The following TANC2 variants were observed in gnomAD, a reference collection of about 807,000 sequenced individuals.
TANC2 encodes the protein tetratricopeptide repeat, ankyrin repeat and coiled-coil containing 2, also known as protein TANC2.
TANC2 carries 26 observed loss-of-function variants against 210.5 expected under a neutral mutation model. That is an observed-to-expected ratio of 0.12 (90% CI 0.09 to 0.17). The LOEUF is 0.17. Among genes scored for constraint, TANC2 ranks in the 10% least tolerant of loss-of-function variants. The pLI is 1.00. For synonymous variants in TANC2, 931 were observed against 967.1 expected (o/e 0.96, Z 0.69); for missense variants, 2,129 against 2,608.9 (o/e 0.82, Z 4.01).
At chr17:63,309,866 A>G (rs1474585030) in intron 9 of TANC2, among the ~76,000 whole-genome samples, 1 of 152,220 alleles carries the variant, frequency 6.6e-6, no homozygotes, top group Admixed American at 6.5e-5. Context: ...AGTGGAACAA[A>G]CTAGATAACT....
chr17:63,002,474 T>C (rs957105375), intron 1 of TANC2, among the ~76,000 whole-genome samples: 13 of 152,254 alleles, frequency 8.5e-5, no homozygotes, highest in Non-Finnish European at 1.5e-4. Flanking sequence ...TATTTTTTGA[T>C]GCATTTCAAA....
chr17:63,314,271 C>A, intron 9 of TANC2, 117 bp from the exon 10 acceptor site: 1 of 1,120,206 alleles, frequency 8.9e-7, no homozygotes, highest in Non-Finnish European at 1.3e-6. Context: ...TCTGAATAAG[C>A]CTAGGATGCC....
At chr17:63,268,974 T>TGG (rs1411047618) in intron 9 of TANC2, among the ~76,000 whole-genome samples, 3 of 152,204 alleles carry the variant, frequency 2.0e-5, no homozygotes, top group Admixed American at 6.5e-5. Flanking sequence ...AATTTTATCT[T>TGG]ACGGATGATT....
intron 14 of TANC2, among the ~76,000 whole-genome samples, chr17:63,358,376 A>ATGTGTGTGTGT (rs1555641222): frequency 8.6e-5 from 7 of 80,942 alleles, no homozygotes; most frequent in African/African-American, 2.2e-4. Flanking sequence ...AGAGAGAGAG[A>ATGTGTGTGTGT]GTATGTGTGT....
chr17:63,082,750 C>T (rs1214650280), intron 3 of TANC2, among the ~76,000 whole-genome samples: 1 of 152,126 alleles, frequency 6.6e-6, no homozygotes, highest in Non-Finnish European at 1.5e-5. Context: ...CATGTATAAA[C>T]TCCATCCCTT....
Position 63,112,894 on chromosome 17 carries a change from C to T in TANC2, c.322+13537C>T, listed in dbSNP as rs2038106279. ...TTACAGAAAAAAATCCTTCATTGTC[C>T]ATCCTTCTTCTGTGACCTTCCCCAG... On this transcript the variant is annotated intron_variant, in intron 4 of 27. Coordinates refer to ENST00000689528, the Ensembl canonical transcript of TANC2. Among the ~76,000 whole-genome samples the T allele has an allele frequency of 3.3e-5, 5 of 152,196 alleles. No individual in the cohort carries two copies. The South Asian group carries it at 1.0e-3, about 32-fold the overall frequency.
intron 9 of TANC2, among the ~76,000 whole-genome samples, chr17:63,289,539 C>A (rs557763584): frequency 9.1e-4 from 138 of 152,244 alleles, no homozygotes; most frequent in Non-Finnish European, 1.8e-3. Flanking sequence ...TCTAGCATTT[C>A]TTTTTGGTTC....
intron 5 of TANC2, among the ~76,000 whole-genome samples, chr17:63,164,879 T>C (rs1179153382): frequency 6.6e-6 from 1 of 152,210 alleles, no homozygotes; most frequent in Non-Finnish European, 1.5e-5. Context: ...TTACTTGGTC[T>C]ACCAACTTAA....
intron 21 of TANC2, among the ~76,000 whole-genome samples, chr17:63,406,816 G>A (rs926281437): frequency 4.6e-5 from 7 of 152,190 alleles, no homozygotes; most frequent in Non-Finnish European, 7.4e-5. Flanking sequence ...CATAAAGTAC[G>A]TCAGGCTCCT....
At chr17:63,240,894 T>C (rs757655713) in intron 8 of TANC2, among the ~76,000 whole-genome samples, 3 of 152,238 alleles carry the variant, frequency 2.0e-5, no homozygotes, top group Non-Finnish European at 4.4e-5. Flanking sequence ...AACAGTCTAC[T>C]TTGTGTTATG....
chr17:62,968,996 C>T (rs1464664867), intron 1 of TANC2, among the ~76,000 whole-genome samples: 1 of 152,058 alleles, frequency 6.6e-6, no homozygotes, highest in Non-Finnish European at 1.5e-5. Flanking sequence ...TGCTCAAATC[C>T]CGCAGTTGGT....
chr17:63,252,534 C>A (rs983068513), intron 8 of TANC2, among the ~76,000 whole-genome samples: 1 of 152,004 alleles, frequency 6.6e-6, no homozygotes, highest in Non-Finnish European at 1.5e-5. Flanking sequence ...CCACTACCCC[C>A]ACCCCAGCGA....
intron 2 of TANC2, among the ~76,000 whole-genome samples, chr17:63,018,271 A>C (rs1437881426): frequency 6.6e-6 from 1 of 152,070 alleles, no homozygotes; most frequent in Non-Finnish European, 1.5e-5. Flanking sequence ...TCGGCGGGTC[A>C]CCGGGAAGTC....
At chr17:63,192,884 C>T (rs1230331129) in intron 5 of TANC2, among the ~76,000 whole-genome samples, 4 of 152,078 alleles carry the variant, frequency 2.6e-5, no homozygotes, top group African/African-American at 4.8e-5. Flanking sequence ...ACTATATCTC[C>T]GTGTTGTATA....
At chr17:63,060,801 G>A (rs942944387) in intron 2 of TANC2, among the ~76,000 whole-genome samples, 3 of 152,154 alleles carry the variant, frequency 2.0e-5, no homozygotes, top group Non-Finnish European at 4.4e-5. Flanking sequence ...ATAGCAGTTT[G>A]TCTTTACCCC....
intron 2 of TANC2, among the ~76,000 whole-genome samples, chr17:63,072,518 G>GTA (rs1156320911): frequency 1.3e-5 from 2 of 151,804 alleles, no homozygotes; most frequent in African/African-American, 4.8e-5. Flanking sequence ...AACTTATATA[G>GTA]TAACAGCAGA....
chr17:63,324,129 T>C (rs554106734), intron 11 of TANC2, among the ~76,000 whole-genome samples: 1 of 152,328 alleles, frequency 6.6e-6, no homozygotes, highest in East Asian at 1.9e-4. Flanking sequence ...AAAAGGTTTT[T>C]ATGCAACTAG....
intron 9 of TANC2, among the ~76,000 whole-genome samples, chr17:63,296,003 T>C (rs2044524996): frequency 6.6e-6 from 1 of 152,132 alleles, no homozygotes; most frequent in African/African-American, 2.4e-5. Context: ...ACTACTCAGC[T>C]AGAGCTCAGT....
chr17:63,393,440 T>C (rs891326389), intron 17 of TANC2: 1 of 152,200 alleles, frequency 6.6e-6, no homozygotes, highest in African/African-American at 2.4e-5. Flanking sequence ...CACCGCACAA[T>C]ACCTGTCCAA....
Sources: allele counts gnomAD v4.1 joint callset (sites outside exome capture counted in the v4.1 genomes callset), GRCh38; gene constraint gnomAD v4.1.1; transcripts MANE v1.5; gene names NCBI Gene and HGNC (gene_info 2026-07-23, HGNC 2026-07-21).